The following MROH2A variants were observed in gnomAD, a reference collection of about 807,000 sequenced individuals.
The protein encoded by MROH2A is maestro heat like repeat family member 2A.
Under a neutral mutation model 200.4 loss-of-function variants are expected in MROH2A, and 174 were observed. The observed-to-expected ratio is 0.87, with a 90% confidence interval of 0.77 to 0.98. The LOEUF (loss-of-function observed/expected upper bound fraction) is 0.98, where lower values mean the gene tolerates loss of function less well. Among genes scored for constraint, MROH2A ranks in the 50% least tolerant of loss-of-function variants. MROH2A has a pLI of 0.00. For synonymous variants in MROH2A, 829 were observed against 840.4 expected (o/e 0.99, Z 0.23); for missense variants, 2,045 against 2,139.6 (o/e 0.96, Z 0.87).
intron 5 of MROH2A, among the ~76,000 whole-genome samples, chr2:233,792,221 C>T (rs116635982): frequency 0.014 from 2,059 of 152,184 alleles, 17 homozygotes; most frequent in Middle Eastern, 0.024. Context: ...CCCTCCCTCT[C>T]TCGGACCTCC....
intron 14 of MROH2A, among the ~76,000 whole-genome samples, chr2:233,800,906 G>A (rs1430163624): frequency 6.6e-6 from 1 of 152,156 alleles, no homozygotes; most frequent in Non-Finnish European, 1.5e-5. Flanking sequence ...CACTGAGGCT[G>A]CAGGCTAGAT....
At chr2:233,798,050 T>C (rs565049253) in intron 11 of MROH2A, among the ~76,000 whole-genome samples, 54 of 152,312 alleles carry the variant, frequency 3.5e-4, no homozygotes, top group Non-Finnish European at 5.3e-4. Flanking sequence ...CATTTCCTTT[T>C]TCCTACTCTG....
chr2:233,794,282 A>C lies in MROH2A; in HGVS notation c.823-81A>C, dbSNP rs1194571665. The C allele has an allele frequency of 4.7e-6, 5 of 1,071,728 alleles. No individual in the cohort carries two copies. In the East Asian group the frequency reaches 1.3e-4, roughly 28 times the overall value. 66.4% of individuals were successfully genotyped at this position (1,071,728 alleles called of 1,614,324 possible). The stretch of plus-strand genomic sequence containing the variant: ...GGCGCCTTCTGTCCTGTGTCCTTGG[A>C]TTCTGTGGCTGGGGCTGAGGTCACT... On this transcript the variant is annotated intron_variant, in intron 7 of 41. Coordinates refer to ENST00000389758, the MANE Select transcript of MROH2A (RefSeq NM_001394639.1).
chr2:233,810,233 A>C (rs1703068975), intron 22 of MROH2A, among the ~76,000 whole-genome samples: 1 of 152,250 alleles, frequency 6.6e-6, no homozygotes, highest in East Asian at 1.9e-4. Context: ...TGCTAAAGGC[A>C]TACCTGAAAC....
At chr2:233,824,410 A>G (rs192211997) in intron 35 of MROH2A, among the ~76,000 whole-genome samples, 1 of 152,218 alleles carries the variant, frequency 6.6e-6, no homozygotes, top group African/African-American at 2.4e-5. Context: ...CCAAGCTTTT[A>G]TAGGTTCTTC....
rs1161580702 is a variant in MROH2A, at chr2:233,795,685, C to T, written c.999C>T (p.Thr333=). ...GGCAGATCCTGGAACTGTCAGTCACCACCAACACCCCTGTCCCCCAAATGC... is the reference window on the plus strand; with the variant it reads ...GGCAGATCCTGGAACTGTCAGTCACTACCAACACCCCTGTCCCCCAAATGC... The part of the protein sequence containing the change: ...VLRQILELSV[T]TNTPVPQMQL... Residue 333 remains threonine, a synonymous_variant, in exon 9 of 42, where the codon ACC becomes ACT. Coordinates refer to ENST00000389758, the MANE Select transcript of MROH2A (RefSeq NM_001394639.1). 1.3e-6 allele frequency: 2 copies of T among 1,551,102 alleles called. No homozygotes were observed. The highest frequency in any genetic ancestry group is 1.7e-6 in the Non-Finnish European group (2 of 1,147,076).
chr2:233,783,943 T>A (rs1701071587), intron 3 of MROH2A, among the ~76,000 whole-genome samples: 1 of 152,240 alleles, frequency 6.6e-6, no homozygotes, highest in African/African-American at 2.4e-5. Context: ...CTTTTTTTTT[T>A]ATTTATTTAC....
chr2:233,794,776 G>C (rs1381497793), intron 8 of MROH2A, among the ~76,000 whole-genome samples: 1 of 152,142 alleles, frequency 6.6e-6, no homozygotes, highest in Non-Finnish European at 1.5e-5. Context: ...TAGTTTGTTA[G>C]GGTTGCTGTA....
chr2:233,795,432 A>G (rs1277589640), intron 8 of MROH2A, among the ~76,000 whole-genome samples: 2 of 152,166 alleles, frequency 1.3e-5, no homozygotes, highest in East Asian at 3.9e-4. Flanking sequence ...CTAGCGCAGC[A>G]CTTCCCAAGC....
intron 35 of MROH2A, among the ~76,000 whole-genome samples, chr2:233,826,985 T>C (rs1467991584): frequency 1.3e-5 from 2 of 152,194 alleles, no homozygotes; most frequent in Admixed American, 6.5e-5. Context: ...TAAATATCAC[T>C]GATCATTAGG....
Position 233,795,537 on chromosome 2 carries a change from A to C in MROH2A, c.967-116A>C. The C allele has an allele frequency of 2.0e-6, 3 of 1,472,308 alleles. No homozygotes were observed. The South Asian group carries it at 3.8e-5, about 19-fold the overall frequency. The allele number at this position is 1,472,308 out of a possible 1,614,324, so 91.2% of individuals were successfully genotyped here. On this transcript the variant is annotated intron_variant, in intron 8 of 41. Coordinates refer to ENST00000389758, the MANE Select transcript of MROH2A (RefSeq NM_001394639.1). ...GGCCTGAGAGTCTGCATTTCTAATC[A>C]GCTCCCAGGGAATGCTGGTGCTCAG... is the stretch of plus-strand genomic sequence containing the variant.
intron 34 of MROH2A, 151 bp from the exon 35 acceptor site, chr2:233,823,405 G>A (rs1260973790): frequency 5.3e-6 from 5 of 935,720 alleles, no homozygotes; most frequent in Non-Finnish European, 7.8e-6. Flanking sequence ...TCCCCAGGAA[G>A]AGGAGGGAGA....
chr2:233,797,056 C>T (rs1432824970), intron 11 of MROH2A, among the ~76,000 whole-genome samples: 1 of 152,182 alleles, frequency 6.6e-6, no homozygotes. Flanking sequence ...GCTTTGCAGG[C>T]CATATAGTGT....
intron 3 of MROH2A, among the ~76,000 whole-genome samples, chr2:233,783,893 C>T (rs7583811): frequency 0.8 from 121,125 of 152,114 alleles, 48,321 homozygotes; most frequent in East Asian, 0.88. Flanking sequence ...CTCAGTTATG[C>T]ATCCTTTCAT....
chr2:233,823,251 G>A (rs1028504995), intron 34 of MROH2A, among the ~76,000 whole-genome samples: 2 of 152,202 alleles, frequency 1.3e-5, no homozygotes, highest in African/African-American at 4.8e-5. Flanking sequence ...GGAGGGGCTC[G>A]CCCCCAGGGC....
intron 17 of MROH2A, 83 bp downstream of exon 17, chr2:233,804,275 G>A (rs10175949): frequency 0.88 from 1,324,144 of 1,511,742 alleles, 580,598 homozygotes; most frequent in African/African-American, 0.95. Flanking sequence ...CTTGAATAAC[G>A]AGAGCTGAGG....
At chr2:233,819,766 A>C (rs1484117208) in intron 30 of MROH2A, 136 bp from the exon 31 acceptor site, 2 of 975,874 alleles carry the variant, frequency 2.0e-6, no homozygotes, top group East Asian at 2.7e-5. Context: ...AGGATGCACT[A>C]GAGAGGGTGC....
Position 233,828,533 on chromosome 2 carries a change from G to C in MROH2A, c.4114-97G>C. The C allele has an allele frequency of 6.9e-7, 1 of 1,440,918 alleles. No homozygotes were observed. The highest frequency in any genetic ancestry group is 9.3e-7 in the Non-Finnish European group (1 of 1,073,274). 89.3% of individuals were successfully genotyped at this position (1,440,918 alleles called of 1,614,324 possible). On this transcript the variant is annotated intron_variant, in intron 35 of 41. Coordinates refer to ENST00000389758, the MANE Select transcript of MROH2A (RefSeq NM_001394639.1). This position sits in a 1 kb window ranked among gnomAD's most constrained non-coding sequence, Gnocchi z 4.6. ...CAGAGCCCCTCCCCTCCTGTCCACAGAGCCACCAATCTGCATTACCTCTCC... is the reference window on the plus strand; with the variant it reads ...CAGAGCCCCTCCCCTCCTGTCCACACAGCCACCAATCTGCATTACCTCTCC...
At chr2:233,808,977 G>A (rs1702980809) in intron 21 of MROH2A, 149 bp from the exon 22 acceptor site, 1 of 799,164 alleles carries the variant, frequency 1.3e-6, no homozygotes, top group Admixed American at 2.8e-5. Flanking sequence ...ATGAAAATAC[G>A]ATGAACATTT....
Sources: gnomAD v4.1 joint callset for allele counts (sites outside exome capture counted in the v4.1 genomes callset) on GRCh38, gnomAD v4.1.1 for gene constraint, Gnocchi (gnomAD v3.1) non-coding constraint, MANE v1.5 for transcripts, NCBI Gene and HGNC (gene_info 2026-07-23, HGNC 2026-07-21) for gene names.